BPIFB3: variants seen among roughly 807,000 people sequenced by gnomAD.
The protein encoded by BPIFB3 is BPI fold-containing family B member 3.
In BPIFB3, 49 loss-of-function variants were observed where a neutral mutation model predicts 53.1. The ratio of observed to expected loss-of-function variants is 0.92; its 90% CI spans 0.73 to 1.17. The LOEUF is 1.17. BPIFB3 is among the 50% of genes most tolerant of loss of function. The pLI is 0.00. For missense variants in BPIFB3, 628 were observed against 592.5 expected, an observed-to-expected ratio of 1.06 and a Z score of -0.62; for synonymous variants, 271 against 269.6, an observed-to-expected ratio of 1.01 and a Z score of -0.05.
chr20:33,073,500 G>A, intron 14 of BPIFB3, 76 bp from the exon 16 acceptor site: 1 of 1,532,618 alleles, frequency 6.5e-7, no homozygotes, highest in Non-Finnish European at 9.0e-7. Flanking sequence ...TCCCAGGGCA[G>A]GGGAGTAAAG....
chr20:33,055,445 C>G lies in BPIFB3; in HGVS notation c.22C>G (p.Leu8Val), dbSNP rs748321687. Reference sequence around the variant, plus strand: ...AGGCATGCAGCCAGTCATGCTGGCCCTGTGGTCCCTGCTTCTGCTCTGGGG... The same window carrying G: ...AGGCATGCAGCCAGTCATGCTGGCCGTGTGGTCCCTGCTTCTGCTCTGGGG... Residue 8 changes from leucine to valine, a missense_variant, in exon 1 of 15, where the codon CTG becomes GTG. Leu to Val is a conservative substitution (Grantham distance 32). Coordinates refer to ENST00000375494, the Ensembl canonical transcript of BPIFB3. 2.5e-6 allele frequency: 4 copies of G among 1,613,702 alleles called. No homozygotes were observed. The South Asian group carries it at 4.4e-5, about 18-fold the overall frequency.
intron 13 of BPIFB3, 48 bp downstream of exon 14, chr20:33,072,215 T>A: frequency 1.3e-6 from 2 of 1,582,552 alleles, no homozygotes; most frequent in East Asian, 4.5e-5. Flanking sequence ...CTGAATTTGG[T>A]ATTGTCTAGT....
chr20:33,056,003 C>T (rs988081068), intron 1 of BPIFB3, among the ~76,000 whole-genome samples: 5 of 152,196 alleles, frequency 3.3e-5, no homozygotes, highest in African/African-American at 1.2e-4. Context: ...TGGCCTGCCT[C>T]TACTCTACAG....
At position 33,056,330 on chromosome 20, in the gene BPIFB3, CCACAT is replaced by C. The variant is rs1170560613; in HGVS notation, c.125-211_125-207del. Among the ~76,000 whole-genome samples, 61 of 152,316 alleles carry C rather than the reference CCACAT, an allele frequency of 4.0e-4. 1 individual carries two copies. The East Asian group carries it at 0.011, about 28-fold the overall frequency. ...TCTCCAAACACTTACTGGGTACCTC[CCACAT>C]GCCAGGCAGGGAGGGTGGCCACAGG... On this transcript the variant is annotated intron_variant, in intron 1 of 14. Coordinates refer to ENST00000375494, the Ensembl canonical transcript of BPIFB3.
downstream of BPIFB3, chr20:33,073,697 TG>T: frequency 7.4e-6 from 11 of 1,488,678 alleles, no homozygotes; most frequent in Non-Finnish European, 1.0e-5. Flanking sequence ...TAGCTGATGT[TG>T]GTGACAGTAA....
rs141727522 is a variant in BPIFB3, at chr20:33,068,011, T to A, written c.979-792T>A. On this transcript the variant is annotated intron_variant, in intron 9 of 14. Coordinates refer to ENST00000375494, the Ensembl canonical transcript of BPIFB3. ...TTCCTTAGTCTCATGACGTTGCAAT[T>A]ATGAGACTCAGAATTTCCTGATTGT... Among the ~76,000 whole-genome samples the A allele has an allele frequency of 5.8e-4, 89 of 152,318 alleles. 1 individual carries two copies. In the East Asian group the frequency reaches 6.8e-3, roughly 12 times the overall value.
chr20:33,061,979 C>T (rs943485212), intron 5 of BPIFB3, 148 bp downstream of exon 6: 25 of 917,122 alleles, frequency 2.7e-5, no homozygotes, highest in Admixed American at 4.7e-5. Flanking sequence ...GCCTGCTGAC[C>T]GGCCTTCCTG....
At chr20:33,072,652 G>C in intron 13 of BPIFB3, 65 bp from the exon 15 acceptor site, 1 of 1,387,026 alleles carries the variant, frequency 7.2e-7, no homozygotes, top group African/African-American at 1.4e-5. Flanking sequence ...CAGGGTCCGA[G>C]GGTTCCTAGG....
rs1980389523 is a variant in BPIFB3, at chr20:33,060,105, G to A, written c.527+74G>A. 2.6e-6 allele frequency: 4 copies of A among 1,560,774 alleles called. No homozygotes were observed. The South Asian group carries it at 3.5e-5, about 14-fold the overall frequency. Reference sequence around the variant, plus strand: ...TCGCACCCATCTGGGCATCTCCCAGGTCTCCCTGGAGCTGCCAGCTGCGGG... The same window carrying A: ...TCGCACCCATCTGGGCATCTCCCAGATCTCCCTGGAGCTGCCAGCTGCGGG... On this transcript the variant is annotated intron_variant, in intron 4 of 14. Coordinates refer to ENST00000375494, the Ensembl canonical transcript of BPIFB3.
chr20:33,059,658 C>T (rs1686685121), intron 3 of BPIFB3, among the ~76,000 whole-genome samples, 176 bp downstream of exon 4: 2 of 152,122 alleles, frequency 1.3e-5, no homozygotes, highest in Non-Finnish European at 2.9e-5. Context: ...GATCCTATGC[C>T]ATTGCCCTTC....
intron 9 of BPIFB3, among the ~76,000 whole-genome samples, chr20:33,068,059 G>A (rs191512449): frequency 6.6e-4 from 101 of 152,336 alleles, no homozygotes; most frequent in South Asian, 1.9e-3. Context: ...GGCAGTCAGC[G>A]TATATCCACT....
intron 14 of BPIFB3, 86 bp from the exon 16 acceptor site, chr20:33,073,490 T>G: frequency 6.8e-7 from 1 of 1,479,166 alleles, no homozygotes; most frequent in Non-Finnish European, 9.4e-7. Context: ...ACAGGGCCAA[T>G]CCCAGGGCAG....
chr20:33,068,284 G>T (rs1410175445), intron 9 of BPIFB3, among the ~76,000 whole-genome samples: 2 of 152,242 alleles, frequency 1.3e-5, no homozygotes, highest in African/African-American at 2.4e-5. Flanking sequence ...AGGAGTGCTG[G>T]CTGGTGCTTT....
intron 2 of BPIFB3, 43 bp downstream of exon 3, chr20:33,056,741 T>A: frequency 6.6e-7 from 1 of 1,514,606 alleles, no homozygotes; most frequent in Non-Finnish European, 8.8e-7. Flanking sequence ...GACTTGGCTT[T>A]GCTTCCAGGA....
chr20:33,063,515 C>T, intron 5 of BPIFB3, 100 bp from the exon 7 acceptor site: 1 of 1,365,522 alleles, frequency 7.3e-7, no homozygotes, highest in East Asian at 2.3e-5. Flanking sequence ...CCTTGGTCCC[C>T]AGCACCACAT....
chr20:33,070,369 A>G (rs771638519), intron 11 of BPIFB3, among the ~76,000 whole-genome samples: 18 of 152,258 alleles, frequency 1.2e-4, no homozygotes, highest in Non-Finnish European at 2.6e-4. Context: ...CCCCTGTGGT[A>G]ACTAGGCGTC....
Position 33,069,683 on chromosome 20 carries a change from T to C in BPIFB3, c.1150-205T>C, listed in dbSNP as rs192738106. ...AGAGCTTCCTCTCCTACATTACCAA[T>C]TGCCCTCAATTTTAATACTGTGGTT... On this transcript the variant is annotated intron_variant, in intron 10 of 14. Coordinates refer to ENST00000375494, the Ensembl canonical transcript of BPIFB3. 1.3e-4 allele frequency among the ~76,000 whole-genome samples: 20 copies of C among 152,308 alleles called. No homozygotes were observed. The East Asian group carries it at 3.5e-3, about 27-fold the overall frequency.
chr20:33,067,428 T>C (rs999410291), intron 9 of BPIFB3, among the ~76,000 whole-genome samples: 1 of 152,198 alleles, frequency 6.6e-6, no homozygotes, highest in Admixed American at 6.5e-5. Flanking sequence ...TAACAGCAGG[T>C]TCTGAAAGAG....
At chr20:33,056,611 G>A (rs1176017097) in exon 2 of BPIFB3, 29 of 1,613,714 alleles carry the variant, frequency 1.8e-5, no homozygotes, top group Non-Finnish European at 2.1e-5. Flanking sequence ...GCTGTGAACC[G>A]GGGCCTCTTG....
Sources: allele counts gnomAD v4.1 joint callset (sites outside exome capture counted in the v4.1 genomes callset), GRCh38; gene constraint gnomAD v4.1.1; transcripts MANE v1.5; gene names NCBI Gene and HGNC (gene_info 2026-07-23, HGNC 2026-07-21).